KHDRBS2: variants seen among roughly 807,000 people sequenced by gnomAD.
The protein encoded by KHDRBS2 is KH RNA binding domain containing, signal transduction associated 2.
A neutral mutation model predicts 44.3 loss-of-function variants in KHDRBS2; 26 were observed. The observed-to-expected ratio is 0.59, with a 90% confidence interval of 0.43 to 0.81. KHDRBS2 has a LOEUF of 0.81. KHDRBS2 is among the 40% of genes least tolerant of loss of function. The pLI is 0.00. For synonymous variants in KHDRBS2, 194 were observed against 151.1 expected (o/e 1.28, Z -2.08); for missense variants, 476 against 433.1 (o/e 1.10, Z -0.88).
rs1360720978 is a variant in KHDRBS2 at position 61,785,747 on chromosome 6, T to C, written c.811-52983A>G. ...ATTTAAAATGTATTGCTTTAGAATATATTTTTTAAAAGTTATCCATCTCTC... is the reference window on the plus strand; with the variant it reads ...ATTTAAAATGTATTGCTTTAGAATACATTTTTTAAAAGTTATCCATCTCTC... On this transcript the variant is annotated intron_variant, in intron 6 of 8. Coordinates refer to ENST00000281156, the MANE Select transcript of KHDRBS2 (RefSeq NM_152688.4). 2.6e-5 allele frequency among the ~76,000 whole-genome samples: 4 copies of C among 152,124 alleles called. No individual in the cohort carries two copies. In the South Asian group the frequency reaches 6.2e-4, roughly 24 times the overall value.
chr6:62,105,957 C>A (rs1285579992), intron 2 of KHDRBS2, among the ~76,000 whole-genome samples: 1 of 152,096 alleles, frequency 6.6e-6, no homozygotes, highest in East Asian at 1.9e-4. Context: ...GAATGTGTCC[C>A]AGAGATTCTG....
At chr6:62,156,177 G>T (rs1816338469) in intron 2 of KHDRBS2, among the ~76,000 whole-genome samples, 1 of 152,148 alleles carries the variant, frequency 6.6e-6, no homozygotes, top group African/African-American at 2.4e-5. Context: ...CCGAATCACT[G>T]TGTGTAAAAA....
At chr6:61,737,306 C>T (rs2127562454) in intron 6 of KHDRBS2, among the ~76,000 whole-genome samples, 1 of 152,108 alleles carries the variant, frequency 6.6e-6, no homozygotes, top group East Asian at 1.9e-4. Flanking sequence ...GTGCAATGTT[C>T]CCCACATAGC....
chr6:62,067,094 C>G (rs1436196081), intron 2 of KHDRBS2, among the ~76,000 whole-genome samples: 1 of 151,350 alleles, frequency 6.6e-6, no homozygotes, highest in East Asian at 2.0e-4. Context: ...TATTGTCAAT[C>G]TGTTCAATTA....
intron 4 of KHDRBS2, among the ~76,000 whole-genome samples, chr6:61,925,226 T>C (rs1028512328): frequency 6.6e-6 from 1 of 151,994 alleles, no homozygotes; most frequent in Non-Finnish European, 1.5e-5. Context: ...GTTGGAAAAA[T>C]GTGTTCAATC....
At chr6:61,963,537 A>G (rs2127394474) in intron 4 of KHDRBS2, among the ~76,000 whole-genome samples, 1 of 152,084 alleles carries the variant, frequency 6.6e-6, no homozygotes, top group Middle Eastern at 3.4e-3. Context: ...TAGGGATGTG[A>G]CTCTATGAAA....
intron 8 of KHDRBS2, among the ~76,000 whole-genome samples, chr6:61,692,454 A>T (rs1767475386): frequency 6.6e-6 from 1 of 151,940 alleles, no homozygotes. Flanking sequence ...TATTTACATT[A>T]TAATGAGCAA....
At chr6:61,697,885 C>T (rs1225462132) in intron 7 of KHDRBS2, among the ~76,000 whole-genome samples, 3 of 152,138 alleles carry the variant, frequency 2.0e-5, no homozygotes, top group Non-Finnish European at 2.9e-5. Context: ...GCATCCACTT[C>T]CCCCTTTAAG....
chr6:61,565,466 A>T, the KHDRBS2 span, among the ~76,000 whole-genome samples: 1 of 152,260 alleles, frequency 6.6e-6, no homozygotes, highest in Non-Finnish European at 1.5e-5. Flanking sequence ...ACAACTCAAT[A>T]GCAAAAAAAC....
intron 2 of KHDRBS2, among the ~76,000 whole-genome samples, chr6:62,167,569 T>A (rs1331359363): frequency 6.6e-6 from 1 of 152,148 alleles, no homozygotes; most frequent in East Asian, 1.9e-4. Context: ...CTCATAAAAA[T>A]GTGAATCAGT....
At chr6:61,649,519 A>G in the KHDRBS2 span, among the ~76,000 whole-genome samples, 3 of 152,172 alleles carry the variant, frequency 2.0e-5, no homozygotes, top group African/African-American at 4.8e-5. Flanking sequence ...ATCAGTATAA[A>G]TCAGTATAAT....
At chr6:61,803,313 T>C (rs1786587218) in intron 6 of KHDRBS2, among the ~76,000 whole-genome samples, 1 of 152,170 alleles carries the variant, frequency 6.6e-6, no homozygotes, top group African/African-American at 2.4e-5. Context: ...CCCAGCACAC[T>C]GTTCAGAGAG....
chr6:61,788,014 A>T lies in KHDRBS2; in HGVS notation c.811-55250T>A, dbSNP rs55892548. Among the ~76,000 whole-genome samples the T allele has an allele frequency of 3.4e-3, 519 of 151,764 alleles. 2 individuals are homozygous for T. Among genetic ancestry groups the T allele is most frequent in the Non-Finnish European group, 6.3e-3 (428 of 67,634 alleles). Reference sequence around the variant, plus strand: ...TTCTAATGCATTAACTAAGTACTATATTTTAGTGAAATTGAATTCATACAT... The same window carrying T: ...TTCTAATGCATTAACTAAGTACTATTTTTTAGTGAAATTGAATTCATACAT... On this transcript the variant is annotated intron_variant, in intron 6 of 8. Transcript: ENST00000281156.
At chr6:62,161,585 G>C (rs937524075) in intron 2 of KHDRBS2, among the ~76,000 whole-genome samples, 8 of 112,406 alleles carry the variant, frequency 7.1e-5, no homozygotes, top group African/African-American at 2.1e-4. Context: ...GGGGGGGGGG[G>C]GGTCCCAGAA....
At position 61,708,266 on chromosome 6, in the gene KHDRBS2, G is replaced by A. The variant is rs1199073176; in HGVS notation, c.894-11013C>T. On this transcript the variant is annotated intron_variant, in intron 7 of 8. Transcript: ENST00000281156. ...ATAACTTTTATTTTACACATTTTAA[G>A]TATAGGAATATTAAAATATATTCAA... Among the ~76,000 whole-genome samples the A allele has an allele frequency of 3.3e-5, 5 of 151,526 alleles. No homozygotes were observed. In the South Asian group the frequency reaches 1.0e-3, roughly 31 times the overall value.
chr6:62,119,519 C>A (rs1054508186), intron 2 of KHDRBS2, among the ~76,000 whole-genome samples: 17 of 152,182 alleles, frequency 1.1e-4, no homozygotes, highest in African/African-American at 4.1e-4. Context: ...AAGTGGCTGA[C>A]CTACAACAAA....
chr6:61,889,671 G>C (rs1406045455), intron 6 of KHDRBS2, among the ~76,000 whole-genome samples: 1 of 152,136 alleles, frequency 6.6e-6, no homozygotes, highest in Non-Finnish European at 1.5e-5. Context: ...CCACCCGCAT[G>C]TTCTATTATC....
chr6:61,651,386 T>C, the KHDRBS2 span, among the ~76,000 whole-genome samples: 9 of 152,146 alleles, frequency 5.9e-5, no homozygotes, highest in Non-Finnish European at 1.3e-4. Flanking sequence ...CTTATATACA[T>C]AGCCTGAAAG....
chr6:62,274,849 T>C (rs752473511), intron 1 of KHDRBS2, among the ~76,000 whole-genome samples: 2 of 152,074 alleles, frequency 1.3e-5, no homozygotes, highest in African/African-American at 2.4e-5. Context: ...ACACAAACAA[T>C]AAGAACCAAT....
Sources: gnomAD v4.1 joint callset for allele counts (sites outside exome capture counted in the v4.1 genomes callset) on GRCh38, gnomAD v4.1.1 for gene constraint, MANE v1.5 for transcripts, NCBI Gene and HGNC (gene_info 2026-07-23, HGNC 2026-07-21) for gene names.